Variants in PKHD1 observed in about 807,000 individuals in gnomAD.
PKHD1 encodes the protein PKHD1 ciliary IPT domain containing fibrocystin/polyductin.
Under a neutral mutation model 412.0 loss-of-function variants are expected in PKHD1, and 291 were observed. The ratio of observed to expected loss-of-function variants is 0.71; its 90% CI spans 0.64 to 0.78. The LOEUF is 0.78. Ranked by LOEUF, PKHD1 falls within the 30% of genes least tolerant of loss-of-function variation. PKHD1 has a pLI of 0.00. For synonymous variants in PKHD1, 1,777 were observed against 1,821.5 expected, an observed-to-expected ratio of 0.98 and a Z score of 0.62; for missense variants, 4,825 against 4,950.7, an observed-to-expected ratio of 0.97 and a Z score of 0.76.
intron 60 of PKHD1, among the ~76,000 whole-genome samples, chr6:51,742,330 A>C (rs1437335884): frequency 6.6e-6 from 1 of 152,220 alleles, no homozygotes; most frequent in Non-Finnish European, 1.5e-5. Flanking sequence ...TATTCCAGAG[A>C]TAAGCCTTCA....
intron 35 of PKHD1, among the ~76,000 whole-genome samples, chr6:51,971,830 AAGCAATCCTCCCACCCC>A (rs1239655656): frequency 6.6e-6 from 1 of 152,112 alleles, no homozygotes; most frequent in Non-Finnish European, 1.5e-5. Flanking sequence ...TCCTGGGATC[AAGCAATCCTCCCACCCC>A]AGCCTCCTGA....
intron 60 of PKHD1, among the ~76,000 whole-genome samples, chr6:51,694,765 C>T (rs184041403): frequency 4.6e-5 from 7 of 152,100 alleles, no homozygotes; most frequent in African/African-American, 1.7e-4. Flanking sequence ...GGTGCTATTA[C>T]AATTATGTTG....
intron 55 of PKHD1, among the ~76,000 whole-genome samples, chr6:51,755,569 A>G (rs1786849282): frequency 6.6e-6 from 1 of 152,064 alleles, no homozygotes. Flanking sequence ...CATTTTTGGT[A>G]TTTTTCAAGA....
At chr6:52,048,825 G>A (rs1361500714) in intron 22 of PKHD1, among the ~76,000 whole-genome samples, 1 of 152,190 alleles carries the variant, frequency 6.6e-6, no homozygotes, top group African/African-American at 2.4e-5. Flanking sequence ...TCATTTCAGA[G>A]CTAAAAACGT....
At chr6:52,046,626 C>G (rs567990736) in intron 23 of PKHD1, among the ~76,000 whole-genome samples, 1 of 152,300 alleles carries the variant, frequency 6.6e-6, no homozygotes, top group Non-Finnish European at 1.5e-5. Flanking sequence ...CAGCTGACAC[C>G]CATAAAAACT....
intron 35 of PKHD1, among the ~76,000 whole-genome samples, chr6:51,980,590 A>C (rs2128023949): frequency 6.6e-6 from 1 of 152,372 alleles, no homozygotes; most frequent in African/African-American, 2.4e-5. Flanking sequence ...GTTGAAAAAA[A>C]CCAACACACA....
Position 51,659,350 on chromosome 6 carries a change from T to G in PKHD1, c.10776A>C (p.Gln3592His). 6.2e-7 allele frequency: 1 copy of G among 1,613,906 alleles called. No homozygotes were observed. Among genetic ancestry groups the G allele is most frequent in the Non-Finnish European group, 8.5e-7 (1 of 1,179,904 alleles). The change falls in exon 61 of 67, where the codon CAA becomes CAC. Residue 3592 changes from glutamine to histidine, a missense_variant. By Grantham distance (24) the Gln-to-His change is conservative. Coordinates refer to ENST00000371117, the MANE Select transcript of PKHD1 (RefSeq NM_138694.4). ...ERLTNFLQIGQNQIRFIHEMP... is the reference protein window; with the variant it reads ...ERLTNFLQIGHNQIRFIHEMP... ...TCTCGTGAATAAACCTGATTTGGTT[T>G]TGGCCAATCTGTAAGAAGTTAGTTA...
chr6:51,646,939 G>A (rs750163799), intron 63 of PKHD1, among the ~76,000 whole-genome samples: 13 of 152,098 alleles, frequency 8.5e-5, no homozygotes, highest in Admixed American at 2.6e-4. Flanking sequence ...GAACTGGCCT[G>A]CTTAAAACCC....
chr6:52,002,730 A>T lies in PKHD1; in HGVS notation c.5751+7579T>A, dbSNP rs146111808. On this transcript the variant is annotated intron_variant, in intron 35 of 66. Coordinates refer to ENST00000371117, the MANE Select transcript of PKHD1 (RefSeq NM_138694.4). ...GGGAAGGGGAGGGAAGACAAAAGGG[A>T]CAAAATTGTTTTTTGATTTCTGTAA... Among the ~76,000 whole-genome samples the T allele has an allele frequency of 1.3e-3, 202 of 152,332 alleles. 2 individuals carry two copies. The highest frequency in any genetic ancestry group is 1.8e-3 in the Non-Finnish European group (123 of 68,034).
intron 60 of PKHD1, among the ~76,000 whole-genome samples, chr6:51,700,408 C>T (rs1316608792): frequency 2.0e-5 from 3 of 152,106 alleles, no homozygotes; most frequent in Non-Finnish European, 4.4e-5. Flanking sequence ...CCTTCTTTCT[C>T]TGAAAGTTCA....
chr6:52,043,102 CG>C lies in PKHD1; in HGVS notation c.2853del (p.Gly952GlufsTer15). 6.2e-7 allele frequency: 1 copy of C among 1,612,722 alleles called. No homozygotes were observed. The highest frequency in any genetic ancestry group is 8.5e-7 in the Non-Finnish European group (1 of 1,178,902). On this transcript the variant is annotated frameshift_variant, in exon 27 of 67. Transcript: ENST00000371117. LOFTEE classifies it high-confidence loss of function. ...TGGGAGTCACCAGAGAAACCAGTTC[CG>C]GTAATGTAAATCATTAGGTTGATGT... The part of the protein sequence containing the change: ...DGDINLMIYI[T>X]GTGFSGDSQF...
Position 51,660,121 on chromosome 6 carries a change from C to T in PKHD1, c.10157-152G>A, listed in dbSNP as rs865992003. ...GATACTGAGAGTGCAAGGAAGATTG[C>T]GGCAAAATATTTTTAAAAATTAAAT... is the stretch of plus-strand genomic sequence containing the variant. On this transcript the variant is annotated intron_variant, in intron 60 of 66. Coordinates refer to ENST00000371117, the MANE Select transcript of PKHD1 (RefSeq NM_138694.4). 169 of 507,412 alleles carry T rather than the reference C, an allele frequency of 3.3e-4. 2 individuals are homozygous for T. The Middle Eastern group carries it at 6.6e-3, about 20-fold the overall frequency. The allele number at this position is 507,412 out of a possible 1,614,324, so 31.4% of individuals were successfully genotyped here. A position where few individuals can be genotyped will look rare whatever the true frequency, so the allele number is the denominator to read the frequency against.
rs895891178 is a variant in PKHD1, at chr6:51,874,851, C to G, written c.7351-4212G>C. Reference sequence around the variant, plus strand: ...GATTTCTGCATTTCCATCTGAGGTACCGGGTTCATCTCACTAGGGAGTGCC... The same window carrying G: ...GATTTCTGCATTTCCATCTGAGGTAGCGGGTTCATCTCACTAGGGAGTGCC... On this transcript the variant is annotated intron_variant, in intron 46 of 66. Coordinates refer to ENST00000371117, the MANE Select transcript of PKHD1 (RefSeq NM_138694.4). Among the ~76,000 whole-genome samples, 3 of 105,922 alleles carry G rather than the reference C, an allele frequency of 2.8e-5. 1 individual carries two copies. The highest frequency in any genetic ancestry group is 5.4e-5 in the Non-Finnish European group (3 of 55,518). The allele number at this position is 105,922 out of a possible 152,430, so 69.5% of individuals were successfully genotyped here.
chr6:51,840,614 T>C (rs77578399), intron 50 of PKHD1, among the ~76,000 whole-genome samples: 2,887 of 152,234 alleles, frequency 0.019, 97 homozygotes, highest in East Asian at 0.075. Flanking sequence ...CCTGAATCTC[T>C]CAGGAGGGTC....
At chr6:52,022,296 C>T (rs1801514855) in intron 33 of PKHD1, among the ~76,000 whole-genome samples, 1 of 152,144 alleles carries the variant, frequency 6.6e-6, no homozygotes, top group African/African-American at 2.4e-5. Context: ...AACAAGAAGA[C>T]AACATGAGTG....
intron 35 of PKHD1, among the ~76,000 whole-genome samples, chr6:51,987,814 T>C (rs1796399207): frequency 6.6e-6 from 1 of 151,846 alleles, no homozygotes; most frequent in Non-Finnish European, 1.5e-5. Context: ...CCCTAAGCCC[T>C]AGCAATTGTT....
In PKHD1 at chr6:51,807,456, A is replaced by ATAT. The variant is rs1277374751; in HGVS notation, c.8303-16084_8303-16083insATA. On this transcript the variant is annotated intron_variant, in intron 52 of 66. Coordinates refer to ENST00000371117, the MANE Select transcript of PKHD1 (RefSeq NM_138694.4). ...CTGTCTCAAAAAAAAAAAAAAAAAA[A>ATAT]AAATATATATATATATATATATATG... Among the ~76,000 whole-genome samples the ATAT allele has an allele frequency of 1.4e-3, 65 of 47,200 alleles. 1 individual carries two copies. Among genetic ancestry groups the ATAT allele is most frequent in the African/African-American group, 4.5e-3 (60 of 13,458 alleles). 31.0% of individuals were successfully genotyped at this position (47,200 alleles called of 152,430 possible). A position where few individuals can be genotyped will look rare whatever the true frequency, so the allele number is the denominator to read the frequency against.
At chr6:51,731,091 T>A (rs565925943) in intron 60 of PKHD1, among the ~76,000 whole-genome samples, 1 of 152,326 alleles carries the variant, frequency 6.6e-6, no homozygotes, top group East Asian at 1.9e-4. Flanking sequence ...TGGCTAATAC[T>A]TTTTGTTAAA....
intron 60 of PKHD1, among the ~76,000 whole-genome samples, chr6:51,671,759 T>G (rs1274924451): frequency 1.3e-5 from 2 of 152,174 alleles, no homozygotes; most frequent in African/African-American, 4.8e-5. Flanking sequence ...TTAGTTTTCC[T>G]TCTAACAGAC....
Sources: gnomAD v4.1 joint callset for allele counts (sites outside exome capture counted in the v4.1 genomes callset) on GRCh38, gnomAD v4.1.1 for gene constraint, MANE v1.5 for transcripts, NCBI Gene and HGNC (gene_info 2026-07-23, HGNC 2026-07-21) for gene names.